The following DIDO1 variants were observed in gnomAD, a reference collection of about 807,000 sequenced individuals.
DIDO1 encodes death-inducer obliterator 1.
In DIDO1, 16 loss-of-function variants were observed where a neutral mutation model predicts 99.4. That is an observed-to-expected ratio of 0.16 (90% CI 0.11 to 0.24). DIDO1 has a LOEUF of 0.24. Ranked by LOEUF, DIDO1 falls within the 10% of genes least tolerant of loss-of-function variation. DIDO1 has a pLI of 1.00. For synonymous variants in DIDO1, 1,366 were observed against 1,239.1 expected (o/e 1.10, Z -2.15); for missense variants, 2,996 against 3,014.0 (o/e 0.99, Z 0.14).
chr20:62,904,124 T>G (rs1056388693), intron 6 of DIDO1, among the ~76,000 whole-genome samples: 1 of 152,234 alleles, frequency 6.6e-6, no homozygotes. Flanking sequence ...CCCACTTATC[T>G]GAACTGAGGC....
chr20:62,908,782 C>G (rs1182765323), intron 4 of DIDO1, among the ~76,000 whole-genome samples: 1 of 152,140 alleles, frequency 6.6e-6, no homozygotes, highest in Admixed American at 6.5e-5. Context: ...TCACTCAAGC[C>G]CAGGAGATCG....
At chr20:62,925,044 C>A (rs1287653156) in intron 1 of DIDO1, among the ~76,000 whole-genome samples, 1 of 152,172 alleles carries the variant, frequency 6.6e-6, no homozygotes, top group Admixed American at 6.5e-5. Flanking sequence ...TGTCTGTCTT[C>A]CTGGGTGACA....
intron 6 of DIDO1, chr20:62,905,403 A>G (rs2064779016): frequency 6.8e-7 from 1 of 1,478,688 alleles, no homozygotes; most frequent in Non-Finnish European, 9.0e-7. Flanking sequence ...CAGATGCAAC[A>G]CTAACTTGCA....
intron 1 of DIDO1, among the ~76,000 whole-genome samples, chr20:62,919,418 T>C (rs948644551): frequency 6.6e-6 from 1 of 152,004 alleles, no homozygotes; most frequent in Non-Finnish European, 1.5e-5. Flanking sequence ...CAGGTGCCTG[T>C]AGTCCCAGCT....
rs980698674 is a variant in DIDO1 at position 62,909,561 on chromosome 20, T to G, written c.1161+138A>C. On this transcript the variant is annotated intron_variant, in intron 4 of 15. Coordinates refer to ENST00000395343, the MANE Select transcript of DIDO1 (RefSeq NM_001193369.2). Reference sequence around the variant, plus strand: ...TAAAAATAGAAAGGCCTCACCCAGGTGGAGTGAGGCAGGAACCCGGGAGAG... The same window carrying G: ...TAAAAATAGAAAGGCCTCACCCAGGGGGAGTGAGGCAGGAACCCGGGAGAG... The G allele has an allele frequency of 8.9e-5, 82 of 923,634 alleles. No individual in the cohort carries two copies. The African/African-American group carries it at 1.3e-3, about 14-fold the overall frequency. 57.2% of individuals were successfully genotyped at this position (923,634 alleles called of 1,614,324 possible).
intron 1 of DIDO1, among the ~76,000 whole-genome samples, chr20:62,918,778 A>G (rs766277990): frequency 6.6e-6 from 1 of 152,092 alleles, no homozygotes; most frequent in African/African-American, 2.4e-5. Context: ...CAAAGTTTAC[A>G]TTTATTTATA....
chr20:62,922,821 G>A (rs1079076), intron 1 of DIDO1, among the ~76,000 whole-genome samples: 5 of 152,226 alleles, frequency 3.3e-5, no homozygotes, highest in South Asian at 2.1e-4. Flanking sequence ...GCACAGGGAA[G>A]AGAGCGGGTG....
chr20:62,889,018 G>A (rs2064346096), intron 15 of DIDO1: 3 of 985,498 alleles, frequency 3.0e-6, no homozygotes, highest in Non-Finnish European at 3.6e-6. Context: ...CAAAGTCCCT[G>A]GGGCTTTTGT....
rs375055665 is a variant in DIDO1, at chr20:62,897,495, T to C, written c.1589-499A>G. On this transcript the variant is annotated intron_variant, in intron 6 of 15. Coordinates refer to ENST00000395343, the MANE Select transcript of DIDO1 (RefSeq NM_001193369.2). Reference sequence around the variant, plus strand: ...CGTTGTCCTTCCAGACTGGAGTCCATTGGAGGCGATGCCATTAATAAAAAT... The same window carrying C: ...CGTTGTCCTTCCAGACTGGAGTCCACTGGAGGCGATGCCATTAATAAAAAT... Among the ~76,000 whole-genome samples the C allele has an allele frequency of 3.8e-4, 58 of 152,296 alleles. No individual in the cohort carries two copies. The East Asian group carries it at 6.4e-3, about 17-fold the overall frequency.
chr20:62,895,887 AC>A (rs1009558066), intron 8 of DIDO1, among the ~76,000 whole-genome samples: 12 of 152,298 alleles, frequency 7.9e-5, no homozygotes, highest in Admixed American at 5.2e-4. Flanking sequence ...GAATACGGAC[AC>A]CCTCATACAC....
intron 1 of DIDO1, among the ~76,000 whole-genome samples, chr20:62,923,030 C>G (rs973921763): frequency 1.3e-5 from 2 of 152,178 alleles, no homozygotes; most frequent in Non-Finnish European, 2.9e-5. Flanking sequence ...TGGACAGAGT[C>G]TTGCTCTGTC....
chr20:62,892,900 G>A lies in DIDO1; in HGVS notation c.3164C>T (p.Thr1055Ile), dbSNP rs1472536484. 6.2e-7 allele frequency: 1 copy of A among 1,614,032 alleles called. No individual in the cohort carries two copies. The highest frequency in any genetic ancestry group is 2.2e-5 in the East Asian group (1 of 44,890). The change falls in exon 13 of 16, where the codon ACC becomes ATC. Residue 1055 changes from threonine to isoleucine, a missense_variant. By Grantham distance (89) the Thr-to-Ile change is moderately conservative. Around this residue, in one of 5 missense-constraint regions of DIDO1, gnomAD observed 898 missense variants for 972.7 expected, o/e 0.92. Transcript: ENST00000395343. ...CATGTTAATAAATCCTTTCCAAATGGTGCTGAGTCGAGACAAAAAGAGGGT... is the reference window on the plus strand; with the variant it reads ...CATGTTAATAAATCCTTTCCAAATGATGCTGAGTCGAGACAAAAAGAGGGT... Reference protein sequence around the residue: ...DTTLFLSRLSTIWKGFINMQS... With the variant: ...DTTLFLSRLSIIWKGFINMQS...
In DIDO1 at chr20:62,880,865, T is replaced by A; in HGVS notation, c.5091A>T (p.Ser1697=). The change falls in exon 16 of 16, where the codon TCA becomes TCT. Residue 1697 remains serine (S), a synonymous_variant. Coordinates refer to ENST00000395343, the MANE Select transcript of DIDO1 (RefSeq NM_001193369.2). ...GFASQDKALG[S]AQYEDPRNLH... ...GATTTCTTGGGTCCTCATACTGGGC[T>A]GAGCCGAGAGCCTTGTCCTGCGACG... 2 of 1,612,696 alleles carry A rather than the reference T, an allele frequency of 1.2e-6. No individual in the cohort carries two copies. Among genetic ancestry groups the A allele is most frequent in the Non-Finnish European group, 1.7e-6 (2 of 1,179,974 alleles).
chr20:62,911,393 C>G lies in DIDO1; in HGVS notation c.220G>C (p.Val74Leu). 1 of 1,612,266 alleles carries G rather than the reference C, an allele frequency of 6.2e-7. No homozygotes were observed. Among genetic ancestry groups the G allele is most frequent in the Non-Finnish European group, 8.5e-7 (1 of 1,179,542 alleles). The change falls in exon 3 of 16, where the codon GTG becomes CTG. Residue 74 changes from valine to leucine, a missense_variant. Transcript: ENST00000395343. This position sits in a 1 kb window ranked among gnomAD's most constrained non-coding sequence, Gnocchi z 7.0. Reference protein sequence around the residue: ...SGRQPKRTERVEQFLTIARRR... With the variant: ...SGRQPKRTERLEQFLTIARRR... The stretch of plus-strand genomic sequence containing the variant: ...CGCGCAATGGTCAGGAACTGCTCCA[C>G]GCGCTCAGTGCGCTTGGGCTGCCTC...
Position 62,911,063 on chromosome 20 carries a change from T to C in DIDO1, c.550A>G (p.Ile184Val). ...QEPTERPLKG[I>V]QSRLRKKRRE... ...CGCTTCTTCCGCAGGCGACTCTGGATCCCTTTCAGGGGCCTCTCAGTGGGC... is the reference window on the plus strand; with the variant it reads ...CGCTTCTTCCGCAGGCGACTCTGGACCCCTTTCAGGGGCCTCTCAGTGGGC... The change falls in exon 3 of 16, where the codon ATC becomes GTC. Residue 184 changes from isoleucine to valine, a missense_variant. Ile to Val is a conservative substitution (Grantham distance 29). Coordinates refer to ENST00000395343, the MANE Select transcript of DIDO1 (RefSeq NM_001193369.2). This position sits in a 1 kb window ranked among gnomAD's most constrained non-coding sequence, Gnocchi z 7.0. The C allele has an allele frequency of 1.2e-6, 2 of 1,613,806 alleles. No individual in the cohort carries two copies. Among genetic ancestry groups the C allele is most frequent in the Non-Finnish European group, 1.7e-6 (2 of 1,180,016 alleles).
At chr20:62,910,696 T>C (rs1291440250) in intron 3 of DIDO1, 78 bp downstream of exon 3, 28 of 1,491,894 alleles carry the variant, frequency 1.9e-5, no homozygotes, top group Non-Finnish European at 2.5e-5. Flanking sequence ...CCCAGCTTTG[T>C]AACCCTTTAA....
At position 62,892,956 on chromosome 20, in the gene DIDO1, T is replaced by C. The variant is rs2064430942; in HGVS notation, c.3108A>G (p.Ser1036=). Residue 1036 remains serine, a synonymous_variant, in exon 13 of 16, where the codon TCA becomes TCG. Coordinates refer to ENST00000395343, the MANE Select transcript of DIDO1 (RefSeq NM_001193369.2). ...CTCCCTCTGGAGGGGAACGTGATTC[T>C]GAAGTGCTGTAAAACAAAACCATAA... is the stretch of plus-strand genomic sequence containing the variant. ...SVPPSPNIST[S]ESRSPPEGDT... is the part of the protein sequence containing the mutation. 6.2e-7 allele frequency: 1 copy of C among 1,611,018 alleles called. No homozygotes were observed. The highest frequency in any genetic ancestry group is 1.3e-5 in the African/African-American group (1 of 74,692).
Position 62,894,632 on chromosome 20 carries a change from C to T in DIDO1, c.2437-84G>A. 6.5e-7 allele frequency: 1 copy of T among 1,545,566 alleles called. No individual in the cohort carries two copies. The highest frequency in any genetic ancestry group is 8.7e-7 in the Non-Finnish European group (1 of 1,149,404). ...TAACCACACACAAGAAAAGCAGTCT[C>T]ATGGGATTGAGACCCACGGGGGAGA... On this transcript the variant is annotated intron_variant, in intron 10 of 15. Coordinates refer to ENST00000395343, the MANE Select transcript of DIDO1 (RefSeq NM_001193369.2). This position sits in a 1 kb window ranked among gnomAD's most constrained non-coding sequence, Gnocchi z 4.4.
intron 1 of DIDO1, among the ~76,000 whole-genome samples, chr20:62,918,727 T>C (rs2065082565): frequency 6.6e-6 from 1 of 152,240 alleles, no homozygotes; most frequent in African/African-American, 2.4e-5. Context: ...AACCTCACTA[T>C]TCTAAACTTC....
Sources: allele counts gnomAD v4.1 joint callset (sites outside exome capture counted in the v4.1 genomes callset), GRCh38; gene constraint gnomAD v4.1.1; regional missense constraint gnomAD v4.1.1; non-coding constraint Gnocchi (gnomAD v3.1); transcripts MANE v1.5; gene names NCBI Gene and HGNC (gene_info 2026-07-23, HGNC 2026-07-21).